ASTN2: variants seen among roughly 807,000 people sequenced by gnomAD.
ASTN2 encodes astrotactin-2.
In ASTN2, 54 loss-of-function variants were observed where a neutral mutation model predicts 139.8. That is an observed-to-expected ratio of 0.39 (90% CI 0.31 to 0.48). The LOEUF (loss-of-function observed/expected upper bound fraction) is 0.48, where lower values mean the gene tolerates loss of function less well. ASTN2 is among the 20% of genes least tolerant of loss of function. The pLI, the probability that ASTN2 is intolerant of heterozygous loss-of-function variation, is 0.95. For missense variants in ASTN2, 1,565 were observed against 1,725.1 expected (o/e 0.91, Z 1.64); for synonymous variants, 756 against 719.5 (o/e 1.05, Z -0.81).
At chr9:117,052,996 C>T (rs1838957612) in intron 5 of ASTN2, among the ~76,000 whole-genome samples, 2 of 152,166 alleles carry the variant, frequency 1.3e-5, no homozygotes, top group Non-Finnish European at 2.9e-5. Flanking sequence ...GCAAGAAAGG[C>T]TCAGTCAGAG....
chr9:116,469,934 G>A (rs1158069573), intron 20 of ASTN2, among the ~76,000 whole-genome samples: 1 of 152,054 alleles, frequency 6.6e-6, no homozygotes, highest in Non-Finnish European at 1.5e-5. Context: ...GCTGGGCACG[G>A]TGGCTCACGT....
chr9:116,502,814 A>C (rs1466489780), intron 19 of ASTN2, among the ~76,000 whole-genome samples: 1 of 149,764 alleles, frequency 6.7e-6, no homozygotes, highest in African/African-American at 2.5e-5. Context: ...GGTAGAAAAG[A>C]AGAAGAGAAT....
At chr9:116,988,432 A>G (rs752610646) in intron 7 of ASTN2, among the ~76,000 whole-genome samples, 11 of 152,180 alleles carry the variant, frequency 7.2e-5, no homozygotes, top group East Asian at 3.9e-4. Flanking sequence ...CCTCTTGGTT[A>G]TCACTTAGAA....
intron 3 of ASTN2, among the ~76,000 whole-genome samples, chr9:117,178,296 T>C (rs894840579): frequency 1.3e-5 from 2 of 152,208 alleles, no homozygotes; most frequent in Admixed American, 6.5e-5. Context: ...AGCACTGCTG[T>C]GTCCCTGCTA....
At chr9:116,909,101 T>C (rs968520265) in intron 10 of ASTN2, among the ~76,000 whole-genome samples, 5 of 152,178 alleles carry the variant, frequency 3.3e-5, no homozygotes, top group South Asian at 4.1e-4. Context: ...AAAAAAGCCA[T>C]GGCAGGGAGG....
intron 7 of ASTN2, among the ~76,000 whole-genome samples, chr9:116,987,089 G>C (rs1021094287): frequency 2.6e-5 from 4 of 152,210 alleles, no homozygotes; most frequent in African/African-American, 9.6e-5. Flanking sequence ...AACCCACCCA[G>C]TGGATGCCTG....
At chr9:117,339,467 T>C (rs1204061246) in intron 1 of ASTN2, among the ~76,000 whole-genome samples, 1 of 151,804 alleles carries the variant, frequency 6.6e-6, no homozygotes, top group East Asian at 1.9e-4. Flanking sequence ...CTGCCACACC[T>C]CCAATGTCAT....
chr9:116,473,628 T>C (rs1029143266), intron 20 of ASTN2, among the ~76,000 whole-genome samples: 4 of 152,220 alleles, frequency 2.6e-5, no homozygotes, highest in East Asian at 1.9e-4. Flanking sequence ...CCAGGTGTGG[T>C]GGCTCATGCC....
At chr9:116,967,697 T>C (rs1410032787) in intron 10 of ASTN2, among the ~76,000 whole-genome samples, 1 of 152,232 alleles carries the variant, frequency 6.6e-6, no homozygotes, top group African/African-American at 2.4e-5. Flanking sequence ...ATCTTGAATA[T>C]TAAATGATGT....
intron 1 of ASTN2, among the ~76,000 whole-genome samples, chr9:117,292,427 C>T (rs1834616396): frequency 1.3e-5 from 2 of 152,140 alleles, no homozygotes; most frequent in Admixed American, 6.5e-5. Flanking sequence ...GTCCCCTTGA[C>T]TAAAGGTGTA....
chr9:116,499,312 T>A (rs1243722811), intron 19 of ASTN2, among the ~76,000 whole-genome samples: 1 of 144,618 alleles, frequency 6.9e-6, no homozygotes, highest in Non-Finnish European at 1.5e-5. Context: ...AAAGGTCGAT[T>A]GAATGAATCA....
At chr9:116,934,365 C>T (rs1048153924) in intron 10 of ASTN2, among the ~76,000 whole-genome samples, 19 of 152,186 alleles carry the variant, frequency 1.2e-4, no homozygotes, top group Admixed American at 2.6e-4. Context: ...TTGCAATTAA[C>T]AGAGTCGAGT....
chr9:117,153,627 T>C (rs2132884902), intron 3 of ASTN2, among the ~76,000 whole-genome samples: 1 of 152,282 alleles, frequency 6.6e-6, no homozygotes, highest in East Asian at 1.9e-4. Flanking sequence ...ACTTTAGGGC[T>C]TATTTTGCAG....
intron 1 of ASTN2, among the ~76,000 whole-genome samples, chr9:117,404,209 CTATT>C (rs1271767517): frequency 2.0e-5 from 3 of 152,284 alleles, no homozygotes; most frequent in African/African-American, 7.2e-5. Context: ...AATTAAGTGA[CTATT>C]ATGTTTTCTT....
intron 4 of ASTN2, among the ~76,000 whole-genome samples, chr9:117,129,551 T>C (rs1284956758): frequency 1.3e-5 from 2 of 152,226 alleles, no homozygotes; most frequent in African/African-American, 2.4e-5. Context: ...CAGAATTTTA[T>C]ATATGTCCAT....
At chr9:116,449,640 G>A (rs1848116098) in intron 20 of ASTN2, among the ~76,000 whole-genome samples, 1 of 152,150 alleles carries the variant, frequency 6.6e-6, no homozygotes, top group African/African-American at 2.4e-5. Context: ...AGGCTCATGA[G>A]TGCTTTGACC....
chr9:116,494,000 C>G (rs890876651), intron 19 of ASTN2, among the ~76,000 whole-genome samples: 1 of 152,118 alleles, frequency 6.6e-6, no homozygotes, highest in South Asian at 2.1e-4. Context: ...ACTTGGGCAA[C>G]TGTAGAAATT....
chr9:117,370,657 A>G (rs905160935), intron 1 of ASTN2, among the ~76,000 whole-genome samples: 1 of 152,150 alleles, frequency 6.6e-6, no homozygotes, highest in African/African-American at 2.4e-5. Context: ...CAGGCAGCTA[A>G]TAAGTGTCCA....
chr9:116,984,972 G>C (rs758380301), intron 7 of ASTN2, among the ~76,000 whole-genome samples: 1 of 152,184 alleles, frequency 6.6e-6, no homozygotes, highest in Non-Finnish European at 1.5e-5. Flanking sequence ...AGGGTTGGTA[G>C]GCAAAGAAAC....
Sources: allele counts gnomAD v4.1 joint callset (sites outside exome capture counted in the v4.1 genomes callset), GRCh38; gene constraint gnomAD v4.1.1; transcripts MANE v1.5; gene names NCBI Gene and HGNC (gene_info 2026-07-23, HGNC 2026-07-21).